Variants in CEP85 observed in about 807,000 individuals in gnomAD.
The protein encoded by CEP85 is centrosomal protein of 85 kDa.
CEP85 carries 58 observed loss-of-function variants against 93.7 expected under a neutral mutation model. That is an observed-to-expected ratio of 0.62 (90% CI 0.50 to 0.77). The LOEUF (loss-of-function observed/expected upper bound fraction) is 0.77, where lower values mean the gene tolerates loss of function less well. Among genes scored for constraint, CEP85 ranks in the 30% least tolerant of loss-of-function variants. CEP85 has a pLI of 0.00. For missense variants in CEP85, 868 were observed against 922.0 expected (o/e 0.94, Z 0.76); for synonymous variants, 314 against 338.6 (o/e 0.93, Z 0.80).
At chr1:26,244,047 G>A (rs1392833856) in intron 2 of CEP85, 119 bp from the exon 3 acceptor site, 1 of 796,084 alleles carries the variant, frequency 1.3e-6, no homozygotes, top group Non-Finnish European at 1.9e-6. Flanking sequence ...ATAGGCACAG[G>A]AGAGAGAAAG....
chr1:26,258,242 C>T lies in CEP85; in HGVS notation c.1137C>T (p.Val379=), dbSNP rs1357903099. The T allele has an allele frequency of 1.2e-6, 2 of 1,613,054 alleles. No individual in the cohort carries two copies. The highest frequency in any genetic ancestry group is 1.7e-6 in the Non-Finnish European group (2 of 1,179,048). The change falls in exon 6 of 14, where the codon GTC becomes GTT. Residue 379 remains valine, a synonymous_variant. Transcript: ENST00000451429. ...GCCGCCCTGCCCCCTTTGGTGATGTCTGCTTGCTGAGGCTACAGGTAAGTA... is the reference window on the plus strand; with the variant it reads ...GCCGCCCTGCCCCCTTTGGTGATGTTTGCTTGCTGAGGCTACAGGTAAGTA... ...LLGRPAPFGD[V]CLLRLQELQR...
At position 26,257,731 on chromosome 1, in the gene CEP85, G is replaced by T; in HGVS notation, c.1037+1G>T. The T allele has an allele frequency of 6.2e-7, 1 of 1,614,064 alleles. No homozygotes were observed. Among genetic ancestry groups the T allele is most frequent in the Non-Finnish European group, 8.5e-7 (1 of 1,179,964 alleles). ...AGGAAAAAGAGCTTCTCATTGACAA[G>T]TAAGAGGGCAAGGGGTACCACAGAG... On this transcript the variant is annotated splice_donor_variant, in intron 5 of 13. Transcript: ENST00000451429. LOFTEE classifies it high-confidence loss of function.
intron 3 of CEP85, among the ~76,000 whole-genome samples, chr1:26,248,479 T>C (rs1378725446): frequency 6.6e-6 from 1 of 152,044 alleles, no homozygotes. Flanking sequence ...TCAAAGATAT[T>C]GGTCTAGAAG....
At position 26,244,465 on chromosome 1, in the gene CEP85, C is replaced by G. The variant is rs145335656; in HGVS notation, c.208+147C>G. 7,275 of 721,086 alleles carry G rather than the reference C, an allele frequency of 0.01. 388 individuals carry two copies. In the Admixed American group the frequency reaches 0.13, roughly 13 times the overall value. The allele number at this position is 721,086 out of a possible 1,614,324, so 44.7% of individuals were successfully genotyped here. ...TTCAAGGAGTCTCTCATTCTTCTTA[C>G]CCTGTGCTTCTCACATCTGGTCCCT... On this transcript the variant is annotated intron_variant, in intron 3 of 13. Transcript: ENST00000451429.
At chr1:26,256,918 G>GT (rs1425054844) in intron 4 of CEP85, among the ~76,000 whole-genome samples, 2 of 25,066 alleles carry the variant, frequency 8.0e-5, no homozygotes, top group Non-Finnish European at 1.1e-4. Context: ...TTTTTGTTTT[G>GT]TTTTGTTTTG....
intron 6 of CEP85, 134 bp from the exon 7 acceptor site, chr1:26,259,483 C>A: frequency 1.3e-6 from 1 of 796,674 alleles, no homozygotes; most frequent in Non-Finnish European, 2.0e-6. Flanking sequence ...AACCCTAAGA[C>A]CTAGTTGAGA....
intron 13 of CEP85, 86 bp downstream of exon 13, chr1:26,276,846 G>C: frequency 3.7e-6 from 4 of 1,076,208 alleles, no homozygotes; most frequent in Non-Finnish European, 1.4e-6. Flanking sequence ...TATTCTTGTG[G>C]TAATATGTAG....
At chr1:26,235,202 A>G (rs575730501) in intron 1 of CEP85, among the ~76,000 whole-genome samples, 2 of 152,344 alleles carry the variant, frequency 1.3e-5, no homozygotes, top group East Asian at 3.9e-4. Flanking sequence ...CCAGGCGCAT[A>G]GTAGGCACGC....
At chr1:26,263,164 T>A (rs1570021554) in intron 7 of CEP85, 1 of 244,198 alleles carries the variant, frequency 4.1e-6, no homozygotes, top group African/African-American at 2.3e-5. Flanking sequence ...TCTAGACAAG[T>A]GCTCCATCAT....
chr1:26,238,133 G>C (rs2089357096), intron 1 of CEP85, among the ~76,000 whole-genome samples: 1 of 148,480 alleles, frequency 6.7e-6, no homozygotes, highest in African/African-American at 2.5e-5. Flanking sequence ...AAGTACATTA[G>C]AGAAATAGTA....
At chr1:26,262,735 C>T (rs2089831153) in intron 7 of CEP85, among the ~76,000 whole-genome samples, 1 of 152,192 alleles carries the variant, frequency 6.6e-6, no homozygotes. Context: ...GCCAAGCTTG[C>T]AAACTATTCC....
At chr1:26,242,015 G>A (rs905352079) in intron 2 of CEP85, among the ~76,000 whole-genome samples, 2 of 148,598 alleles carry the variant, frequency 1.3e-5, no homozygotes, top group African/African-American at 4.9e-5. Context: ...GCCCACCCCC[G>A]CCTCCCAAAG....
Position 26,235,567 on chromosome 1 carries a change from C to CTTTTTTT in CEP85, c.-23+1271_-23+1277dup, listed in dbSNP as rs1192252673. Among the ~76,000 whole-genome samples, 77 of 95,568 alleles carry CTTTTTTT rather than the reference C, an allele frequency of 8.1e-4. 1 individual carries two copies. The highest frequency in any genetic ancestry group is 2.6e-3 in the African/African-American group (58 of 22,708). The allele number at this position is 95,568 out of a possible 152,430, so 62.7% of individuals were successfully genotyped here. ...GATGTTCCACACTTAGATTGTAATT[C>CTTTTTTT]TTTTTTTTTTTTTTTTTTTTGTGAG... is the stretch of plus-strand genomic sequence containing the variant. On this transcript the variant is annotated intron_variant, in intron 1 of 13. Coordinates refer to ENST00000451429, the MANE Select transcript of CEP85 (RefSeq NM_001319944.2).
chr1:26,259,344 C>T (rs1438188122), intron 6 of CEP85, among the ~76,000 whole-genome samples: 1 of 152,090 alleles, frequency 6.6e-6, no homozygotes, highest in African/African-American at 2.4e-5. Context: ...ATCAGAATCC[C>T]TGGAGCGCTT....
At chr1:26,243,017 G>A (rs760920340) in intron 2 of CEP85, among the ~76,000 whole-genome samples, 2 of 151,632 alleles carry the variant, frequency 1.3e-5, no homozygotes, top group African/African-American at 2.4e-5. Context: ...ATATCTTCAC[G>A]TTGCTCTCAA....
At chr1:26,257,104 G>A (rs1474333255) in intron 4 of CEP85, among the ~76,000 whole-genome samples, 1 of 151,974 alleles carries the variant, frequency 6.6e-6, no homozygotes, top group Admixed American at 6.6e-5. Context: ...CTAATTTTTT[G>A]TATTTTTTAT....
intron 7 of CEP85, chr1:26,263,101 T>C (rs561124373): frequency 1.1e-5 from 2 of 176,742 alleles, no homozygotes; most frequent in South Asian, 2.6e-4. Context: ...TCTCTTCATA[T>C]TCTTTTAGTT....
intron 3 of CEP85, among the ~76,000 whole-genome samples, chr1:26,250,901 G>A (rs2089596533): frequency 6.8e-6 from 1 of 146,306 alleles, no homozygotes; most frequent in South Asian, 2.2e-4. Context: ...CCACTAGAGT[G>A]AGCCAAGCTT....
intron 5 of CEP85, 63 bp from the exon 6 acceptor site, chr1:26,258,080 T>G: frequency 9.3e-7 from 1 of 1,078,784 alleles, no homozygotes. Flanking sequence ...TTGTACTTAG[T>G]AGGGGCTCAT....
Sources: gnomAD v4.1 joint callset for allele counts (sites outside exome capture counted in the v4.1 genomes callset) on GRCh38, gnomAD v4.1.1 for gene constraint, MANE v1.5 for transcripts, NCBI Gene and HGNC (gene_info 2026-07-23, HGNC 2026-07-21) for gene names.